NMNAT3: variants seen among roughly 807,000 people sequenced by gnomAD.
NMNAT3 encodes nicotinamide nucleotide adenylyltransferase 3, also known as nicotinamide/nicotinic acid mononucleotide adenylyltransferase 3.
A neutral mutation model predicts 24.8 loss-of-function variants in NMNAT3; 21 were observed. The ratio of observed to expected loss-of-function variants is 0.85; its 90% CI spans 0.60 to 1.22. NMNAT3 has a LOEUF of 1.22. Ranked by LOEUF, NMNAT3 falls within the 50% of genes most tolerant of loss-of-function variation. The pLI, the probability that NMNAT3 is intolerant of heterozygous loss-of-function variation, is 0.00. For synonymous variants in NMNAT3, 136 were observed against 155.2 expected (o/e 0.88, Z 0.92); for missense variants, 387 against 436.6 (o/e 0.89, Z 1.01).
intron 6 of NMNAT3, chr3:139,567,154 G>T (rs1196259056): frequency 6.6e-6 from 1 of 151,374 alleles, no homozygotes; most frequent in Non-Finnish European, 1.5e-5. Context: ...TCACGATTTG[G>T]CTGTTTGTCT....
At chr3:139,616,255 A>G (rs1163992362) in intron 3 of NMNAT3, among the ~76,000 whole-genome samples, 3 of 152,094 alleles carry the variant, frequency 2.0e-5, no homozygotes, top group African/African-American at 7.2e-5. Flanking sequence ...TCCAATACTA[A>G]ATTCTTAACA....
chr3:139,561,675 T>C (rs1251096560), intron 6 of NMNAT3, among the ~76,000 whole-genome samples: 1 of 152,196 alleles, frequency 6.6e-6, no homozygotes, highest in Non-Finnish European at 1.5e-5. Flanking sequence ...AGTCTGTCTG[T>C]GGTTGCTTTG....
intron 1 of NMNAT3, among the ~76,000 whole-genome samples, chr3:139,658,542 T>C (rs2057316441): frequency 6.6e-6 from 1 of 152,234 alleles, no homozygotes; most frequent in African/African-American, 2.4e-5. Context: ...TTTTCAAACA[T>C]GCAGCAAAGT....
chr3:139,563,044 T>C (rs1936647188), intron 6 of NMNAT3, among the ~76,000 whole-genome samples: 1 of 152,228 alleles, frequency 6.6e-6, no homozygotes, highest in Admixed American at 6.5e-5. Flanking sequence ...CATTTATTCA[T>C]TCATTCACTT....
intron 3 of NMNAT3, among the ~76,000 whole-genome samples, chr3:139,607,963 C>T (rs1576633284): frequency 6.6e-6 from 1 of 152,216 alleles, no homozygotes; most frequent in East Asian, 1.9e-4. Context: ...ACAGACACAT[C>T]TATTCAATTC....
chr3:139,647,564 C>A (rs1341056025), intron 1 of NMNAT3, among the ~76,000 whole-genome samples: 2 of 152,042 alleles, frequency 1.3e-5, no homozygotes, highest in African/African-American at 4.8e-5. Context: ...TCACATGTAT[C>A]CTTATAAAAG....
intron 1 of NMNAT3, among the ~76,000 whole-genome samples, chr3:139,670,033 A>AT (rs1459903046): frequency 6.6e-6 from 1 of 152,196 alleles, no homozygotes; most frequent in Non-Finnish European, 1.5e-5. Flanking sequence ...AAATATGGTA[A>AT]TGTTTTTCTT....
At chr3:139,643,714 C>G (rs113527916) in intron 1 of NMNAT3, among the ~76,000 whole-genome samples, 4 of 151,720 alleles carry the variant, frequency 2.6e-5, no homozygotes, top group Non-Finnish European at 5.9e-5. Flanking sequence ...ATGGCGGTGC[C>G]GGGGGTGGGA....
chr3:139,666,400 C>G (rs1202882207), intron 1 of NMNAT3, among the ~76,000 whole-genome samples: 1 of 152,106 alleles, frequency 6.6e-6, no homozygotes, highest in Non-Finnish European at 1.5e-5. Flanking sequence ...CCAGTGGAGG[C>G]CCCAGCTGCC....
chr3:139,648,072 T>A (rs2056928147), intron 1 of NMNAT3, among the ~76,000 whole-genome samples: 1 of 152,222 alleles, frequency 6.6e-6, no homozygotes, highest in Admixed American at 6.5e-5. Context: ...ACATCTTATC[T>A]TGAATTGTAA....
At chr3:139,565,066 T>C (rs1936971294) in intron 6 of NMNAT3, among the ~76,000 whole-genome samples, 1 of 152,216 alleles carries the variant, frequency 6.6e-6, no homozygotes, top group Non-Finnish European at 1.5e-5. Flanking sequence ...TTTTTCCACT[T>C]CCTTCATAAG....
Position 139,627,604 on chromosome 3 carries a change from C to T in NMNAT3, c.109+12G>A. The T allele has an allele frequency of 1.3e-6, 2 of 1,526,440 alleles. No homozygotes were observed. Among genetic ancestry groups the T allele is most frequent in the Non-Finnish European group, 1.8e-6 (2 of 1,130,128 alleles). The allele number at this position is 1,526,440 out of a possible 1,614,324, so 94.6% of individuals were successfully genotyped here. The stretch of plus-strand genomic sequence containing the variant: ...CCAGTTCTTCTGTTGGACTCAGGGC[C>T]CCCTGACTGACCTGTTTGGTGTAGG... On this transcript the variant is annotated intron_variant, in intron 3 of 6. Coordinates refer to ENST00000643695, the MANE Select transcript of NMNAT3 (RefSeq NM_001320510.2).
chr3:139,630,156 T>C (rs1164638490), intron 2 of NMNAT3, among the ~76,000 whole-genome samples: 2 of 152,238 alleles, frequency 1.3e-5, no homozygotes, highest in African/African-American at 4.8e-5. Context: ...CTAGATTGGC[T>C]ATTCCTCTTA....
At chr3:139,602,903 G>T (rs2054780090) in intron 3 of NMNAT3, among the ~76,000 whole-genome samples, 1 of 152,194 alleles carries the variant, frequency 6.6e-6, no homozygotes, top group Admixed American at 6.5e-5. Flanking sequence ...AATTTAAGAT[G>T]ATCTTTTCCA....
intron 2 of NMNAT3, among the ~76,000 whole-genome samples, chr3:139,628,604 G>T (rs1246534553): frequency 6.6e-6 from 1 of 152,120 alleles, no homozygotes; most frequent in East Asian, 1.9e-4. Context: ...CCCACCCTCT[G>T]GTCTCACCCT....
At chr3:139,599,322 T>C in intron 3 of NMNAT3, 1 of 702,512 alleles carries the variant, frequency 1.4e-6, no homozygotes, top group Non-Finnish European at 2.6e-6. Flanking sequence ...GTTCTGGGGC[T>C]TTTGCTGGGA....
At chr3:139,573,478 T>A (rs550299248) in intron 6 of NMNAT3, 120 bp downstream of exon 6, 2 of 456,520 alleles carry the variant, frequency 4.4e-6, no homozygotes, top group South Asian at 1.4e-4. Context: ...CTTAAATTCC[T>A]TATCTGTGCC....
At chr3:139,659,493 T>G (rs931944031) in intron 1 of NMNAT3, among the ~76,000 whole-genome samples, 2 of 152,252 alleles carry the variant, frequency 1.3e-5, no homozygotes, top group Non-Finnish European at 2.9e-5. Flanking sequence ...TTATGGCCTG[T>G]GAAACTAGTT....
intron 3 of NMNAT3, among the ~76,000 whole-genome samples, chr3:139,594,088 G>C (rs1476772339): frequency 6.6e-6 from 1 of 152,084 alleles, no homozygotes; most frequent in Non-Finnish European, 1.5e-5. Context: ...GAAAAAAAGA[G>C]AGAATAATCA....
Sources: allele counts gnomAD v4.1 joint callset (sites outside exome capture counted in the v4.1 genomes callset), GRCh38; gene constraint gnomAD v4.1.1; transcripts MANE v1.5; gene names NCBI Gene and HGNC (gene_info 2026-07-23, HGNC 2026-07-21).